The following MYT1L variants were observed in gnomAD, a reference collection of about 807,000 sequenced individuals.
MYT1L encodes myelin transcription factor 1-like protein.
Under a neutral mutation model 126.7 loss-of-function variants are expected in MYT1L, and 12 were observed. The observed-to-expected ratio is 0.09, with a 90% CI of 0.06 to 0.15. The LOEUF is 0.15. Ranked by LOEUF, MYT1L falls within the 10% of genes least tolerant of loss-of-function variation. The pLI is 1.00. For missense variants in MYT1L, 979 were observed against 1,585.2 expected (o/e 0.62, Z 6.49); for synonymous variants, 541 against 604.2 (o/e 0.90, Z 1.53).
At chr2:1,884,160 T>C (rs887529696) in intron 18 of MYT1L, 1 of 152,194 alleles carries the variant, frequency 6.6e-6, no homozygotes, top group South Asian at 2.1e-4. Context: ...AAAGTTCCAT[T>C]TGTTAGCTGA....
At chr2:2,009,874 T>C (rs12185602) in intron 4 of MYT1L, among the ~76,000 whole-genome samples, 8,738 of 151,704 alleles carry the variant, frequency 0.058, 284 homozygotes, top group Non-Finnish European at 0.065. Flanking sequence ...GAGAAACTTT[T>C]CTTCTATACC....
At chr2:1,894,444 C>T (rs528102186) in intron 14 of MYT1L, among the ~76,000 whole-genome samples, 40 of 152,284 alleles carry the variant, frequency 2.6e-4, no homozygotes, top group African/African-American at 9.4e-4. Flanking sequence ...AACCAGTTTG[C>T]AGTTTGTGAT....
chr2:1,892,154 G>A lies in MYT1L; in HGVS notation c.2166C>T (p.Tyr722=), dbSNP rs576318269. 91 of 1,548,782 alleles carry A rather than the reference G, an allele frequency of 5.9e-5. No homozygotes were observed. The highest frequency in any genetic ancestry group is 1.5e-4 in the African/African-American group (11 of 73,180). ...SSTCSKSSFD[Y]THDMEAAHMA... ...TGTGGGCCGCCTCCATGTCGTGCGT[G>A]TAGTCGAAGCTGCTCTTGCTGCACG... The change falls in exon 15 of 25, where the codon TAC becomes TAT. Residue 722 remains tyrosine (Y), a synonymous_variant. Coordinates refer to ENST00000647738, the MANE Select transcript of MYT1L (RefSeq NM_001303052.2).
At chr2:1,884,935 G>A (rs1221106361) in intron 18 of MYT1L, among the ~76,000 whole-genome samples, 1 of 152,240 alleles carries the variant, frequency 6.6e-6, no homozygotes, top group East Asian at 1.9e-4. Flanking sequence ...CGATGCTGGA[G>A]AAACAGCAAG....
intron 21 of MYT1L, among the ~76,000 whole-genome samples, chr2:1,823,685 C>A (rs539601825): frequency 1.3e-5 from 2 of 152,036 alleles, no homozygotes; most frequent in Non-Finnish European, 2.9e-5. Context: ...TAGGAAGACC[C>A]GTGGCTGGCC....
intron 14 of MYT1L, among the ~76,000 whole-genome samples, chr2:1,900,520 T>C (rs552627723): frequency 3.0e-4 from 45 of 152,152 alleles, no homozygotes; most frequent in South Asian, 1.0e-3. Flanking sequence ...AGGATGGTCT[T>C]GATCTCCTGA....
intron 3 of MYT1L, among the ~76,000 whole-genome samples, chr2:2,151,685 G>C (rs2085818677): frequency 6.6e-6 from 1 of 152,052 alleles, no homozygotes; most frequent in African/African-American, 2.4e-5. Flanking sequence ...ACATACCTAG[G>C]ATAAAGTTTA....
At chr2:2,193,385 A>G (rs1411723018) in intron 2 of MYT1L, among the ~76,000 whole-genome samples, 1 of 152,234 alleles carries the variant, frequency 6.6e-6, no homozygotes, top group African/African-American at 2.4e-5. Flanking sequence ...TATGAATCAC[A>G]GAAATGCTTA....
At chr2:2,110,284 T>C (rs2079270150) in intron 3 of MYT1L, among the ~76,000 whole-genome samples, 1 of 152,134 alleles carries the variant, frequency 6.6e-6, no homozygotes, top group Admixed American at 6.5e-5. Context: ...ATATAGAATA[T>C]AATATAGGTC....
chr2:1,939,371 C>T (rs778225967), intron 9 of MYT1L, among the ~76,000 whole-genome samples: 6 of 152,270 alleles, frequency 3.9e-5, no homozygotes, highest in East Asian at 3.9e-4. Flanking sequence ...AGAACTCCAG[C>T]GATCAGAGGA....
At chr2:2,158,645 A>G (rs76408376) in intron 3 of MYT1L, among the ~76,000 whole-genome samples, 25,764 of 150,802 alleles carry the variant, frequency 0.17, 2,207 homozygotes, top group East Asian at 0.24. Context: ...ACACACACAC[A>G]CACGCGTAGG....
At chr2:2,283,624 G>A (rs1300773607) in intron 2 of MYT1L, among the ~76,000 whole-genome samples, 2 of 152,184 alleles carry the variant, frequency 1.3e-5, no homozygotes, top group Non-Finnish European at 2.9e-5. Flanking sequence ...GAAGGCCACA[G>A]AAGCTGAGAG....
chr2:2,205,195 C>G (rs1346473218), intron 2 of MYT1L, among the ~76,000 whole-genome samples: 4 of 150,932 alleles, frequency 2.7e-5, no homozygotes, highest in African/African-American at 9.7e-5. Flanking sequence ...TGCAGCACAC[C>G]AACATGGTAC....
chr2:2,275,653 A>G (rs552587912), intron 2 of MYT1L, among the ~76,000 whole-genome samples: 66 of 152,290 alleles, frequency 4.3e-4, no homozygotes, highest in African/African-American at 1.5e-3. Context: ...TACCTCGTCC[A>G]TGGAATGTGA....
At chr2:2,002,185 T>C (rs951982605) in intron 4 of MYT1L, among the ~76,000 whole-genome samples, 5 of 152,152 alleles carry the variant, frequency 3.3e-5, no homozygotes, top group East Asian at 1.9e-4. Flanking sequence ...GTGGCCACAG[T>C]TGGAGAAACA....
At chr2:1,892,400 G>T in intron 14 of MYT1L, 113 bp from the exon 15 acceptor site, 1 of 1,412,556 alleles carries the variant, frequency 7.1e-7, no homozygotes. Context: ...GCGTGGGACG[G>T]CCCTCAGGGT....
At chr2:1,919,737 T>C (rs1443084321) in intron 10 of MYT1L, among the ~76,000 whole-genome samples, 1 of 151,724 alleles carries the variant, frequency 6.6e-6, no homozygotes, top group Non-Finnish European at 1.5e-5. Context: ...TTAATATTAT[T>C]TTATTTTTTG....
chr2:2,043,565 G>A (rs180858591), intron 4 of MYT1L, among the ~76,000 whole-genome samples: 1 of 152,186 alleles, frequency 6.6e-6, no homozygotes, highest in African/African-American at 2.4e-5. Flanking sequence ...TTCTTTCCTG[G>A]ACACTCCTGC....
rs1438227403 is a variant in MYT1L at position 1,789,346 on chromosome 2, A to G, written c.*2521T>C. ...AGAGAGCACAATAAATAGTTTATAC[A>G]AAATTCTGTCTTAATAAATGATTAC... On this transcript the variant is annotated 3_prime_UTR_variant, in exon 25 of 25. Transcript: ENST00000647738. 3.9e-5 allele frequency: 6 copies of G among 152,248 alleles called. No individual in the cohort carries two copies. The highest frequency in any genetic ancestry group is 1.4e-4 in the African/African-American group (6 of 41,464). 9.4% of individuals were successfully genotyped at this position (152,248 alleles called of 1,614,324 possible).
Sources: allele counts gnomAD v4.1 joint callset (sites outside exome capture counted in the v4.1 genomes callset), GRCh38; gene constraint gnomAD v4.1.1; transcripts MANE v1.5; gene names NCBI Gene and HGNC (gene_info 2026-07-23, HGNC 2026-07-21).